LDB2: variants seen among roughly 807,000 people sequenced by gnomAD.
The protein encoded by LDB2 is LIM domain-binding protein 2.
LDB2 carries 12 observed loss-of-function variants against 44.3 expected under a neutral mutation model. The ratio of observed to expected loss-of-function variants is 0.27; its 90% confidence interval spans 0.17 to 0.44. LDB2 has a LOEUF of 0.44. Among genes scored for constraint, LDB2 ranks in the 20% least tolerant of loss-of-function variants. LDB2 has a pLI of 1.00. For synonymous variants in LDB2, 164 were observed against 174.8 expected, an observed-to-expected ratio of 0.94 and a Z score of 0.49; for missense variants, 344 against 473.5, an observed-to-expected ratio of 0.73 and a Z score of 2.54.
At chr4:16,589,314 A>ACGAAATTC (rs1296561043) in intron 3 of LDB2, among the ~76,000 whole-genome samples, 4 of 152,102 alleles carry the variant, frequency 2.6e-5, no homozygotes, top group Admixed American at 6.5e-5. Flanking sequence ...TATTTCCAAA[A>ACGAAATTC]CGAAATTCCG....
intron 2 of LDB2, among the ~76,000 whole-genome samples, chr4:16,628,358 T>C (rs893977557): frequency 6.6e-6 from 1 of 152,102 alleles, no homozygotes; most frequent in Non-Finnish European, 1.5e-5. Context: ...GATGTTGCCA[T>C]TTGACTTAGA....
intron 5 of LDB2, among the ~76,000 whole-genome samples, chr4:16,527,418 T>TAA (rs375128660): frequency 2.7e-5 from 4 of 148,242 alleles, no homozygotes; most frequent in African/African-American, 9.9e-5. Flanking sequence ...ATCAAAAAAA[T>TAA]AAAAAAAAAA....
chr4:16,666,862 T>C (rs1743396045), intron 2 of LDB2, among the ~76,000 whole-genome samples: 1 of 152,234 alleles, frequency 6.6e-6, no homozygotes, highest in African/African-American at 2.4e-5. Context: ...CACTTCATTG[T>C]GTTTTTTTAA....
intron 1 of LDB2, among the ~76,000 whole-genome samples, chr4:16,897,205 T>C (rs1307883392): frequency 6.6e-6 from 1 of 152,192 alleles, no homozygotes; most frequent in African/African-American, 2.4e-5. Flanking sequence ...ACAAACTTAA[T>C]GGAGTCCCTT....
At chr4:16,573,990 C>A (rs1461410385) in intron 5 of LDB2, among the ~76,000 whole-genome samples, 1 of 152,190 alleles carries the variant, frequency 6.6e-6, no homozygotes, top group Non-Finnish European at 1.5e-5. Flanking sequence ...CTGACTTCAG[C>A]CACACTCATT....
chr4:16,674,458 G>A (rs1277277936), intron 2 of LDB2: 2 of 393,698 alleles, frequency 5.1e-6, no homozygotes, highest in African/African-American at 2.1e-5. Flanking sequence ...TCCACGTATT[G>A]GGCTCTATGT....
At chr4:16,596,022 C>CATGA in intron 2 of LDB2, 147 bp from the exon 3 acceptor site, 2 of 749,234 alleles carry the variant, frequency 2.7e-6, no homozygotes, top group Non-Finnish European at 4.2e-6. Flanking sequence ...TAAAAACAGC[C>CATGA]ATGACCCTTC....
At chr4:16,616,968 A>T (rs558082269) in intron 2 of LDB2, among the ~76,000 whole-genome samples, 1 of 152,136 alleles carries the variant, frequency 6.6e-6, no homozygotes, top group Non-Finnish European at 1.5e-5. Context: ...CTCTTCAATT[A>T]TCCTACTCTT....
intron 5 of LDB2, among the ~76,000 whole-genome samples, chr4:16,518,274 CGAATCTCAG>C (rs947846259): frequency 2.0e-5 from 3 of 152,092 alleles, no homozygotes; most frequent in Admixed American, 2.0e-4. Context: ...TCTCATTGCC[CGAATCTCAG>C]GAACAGGTGG....
chr4:16,648,293 C>G (rs1737324177), intron 2 of LDB2, among the ~76,000 whole-genome samples: 3 of 152,196 alleles, frequency 2.0e-5, no homozygotes, highest in African/African-American at 7.2e-5. Context: ...ACTCCGTCAT[C>G]ATAAAGGAAG....
chr4:16,649,922 G>T (rs1424941676), intron 2 of LDB2, among the ~76,000 whole-genome samples: 1 of 152,190 alleles, frequency 6.6e-6, no homozygotes, highest in Non-Finnish European at 1.5e-5. Context: ...ATATCCGCAA[G>T]TAATATTCAT....
chr4:16,540,899 C>T, intron 5 of LDB2, among the ~76,000 whole-genome samples: 1 of 152,052 alleles, frequency 6.6e-6, no homozygotes, highest in Non-Finnish European at 1.5e-5. Flanking sequence ...TACAGAGAAG[C>T]ATCTTATCTG....
chr4:16,761,560 T>A (rs1363882442), intron 1 of LDB2, among the ~76,000 whole-genome samples: 2 of 152,194 alleles, frequency 1.3e-5, no homozygotes, highest in African/African-American at 2.4e-5. Context: ...ACTTAGCAAC[T>A]TATTCTACCT....
intron 2 of LDB2, among the ~76,000 whole-genome samples, chr4:16,678,739 G>A (rs1345726303): frequency 2.6e-5 from 4 of 152,066 alleles, no homozygotes; most frequent in Admixed American, 2.6e-4. Flanking sequence ...ACAAGGGCAG[G>A]GCCTGGAGGC....
At chr4:16,560,387 C>A (rs1334823475) in intron 5 of LDB2, among the ~76,000 whole-genome samples, 2 of 152,082 alleles carry the variant, frequency 1.3e-5, no homozygotes, top group Non-Finnish European at 2.9e-5. Context: ...AAGGGGATAT[C>A]ACCACCAATC....
At chr4:16,592,497 TATATATATAC>T (rs1332609832) in intron 3 of LDB2, among the ~76,000 whole-genome samples, 1 of 136,838 alleles carries the variant, frequency 7.3e-6, no homozygotes, top group Admixed American at 7.3e-5. Context: ...TATATATATA[TATATATATAC>T]ACACACACAC....
At position 16,878,125 on chromosome 4, in the gene LDB2, G is replaced by A. The variant is rs114000446; in HGVS notation, c.132+20229C>T. On this transcript the variant is annotated intron_variant, in intron 1 of 7. Transcript: ENST00000304523. ...CAATCAAAAGCAGGTAGGGGAAGGG[G>A]CTTGGGAAGTTCACAGATCAGCAGA... Among the ~76,000 whole-genome samples the A allele has an allele frequency of 3.7e-3, 565 of 152,312 alleles. 5 individuals carry two copies. The highest frequency in any genetic ancestry group is 0.013 in the African/African-American group (541 of 41,564).
rs56176438 is a variant in LDB2 at position 16,739,610 on chromosome 4, G to A, written c.235+19548C>T. 6.2e-3 allele frequency among the ~76,000 whole-genome samples: 320 copies of A among 51,524 alleles called. 7 individuals are homozygous for A. The highest frequency in any genetic ancestry group is 0.047 in the East Asian group (32 of 676). The allele number at this position is 51,524 out of a possible 152,430, so 33.8% of individuals were successfully genotyped here. A position where few individuals can be genotyped will look rare whatever the true frequency, so the allele number is the denominator to read the frequency against. ...AAAAAATATATATATATATATATAT[G>A]TATATATACATGTGTGTGTATATAT... On this transcript the variant is annotated intron_variant, in intron 2 of 7. Transcript: ENST00000304523.
intron 2 of LDB2, among the ~76,000 whole-genome samples, chr4:16,609,354 G>GGC (rs1724944750): frequency 2.0e-5 from 3 of 149,138 alleles, no homozygotes; most frequent in African/African-American, 7.5e-5. Flanking sequence ...GAGGGGGCGG[G>GGC]GGGGGGAGGG....
Sources: allele counts gnomAD v4.1 joint callset (sites outside exome capture counted in the v4.1 genomes callset), GRCh38; gene constraint gnomAD v4.1.1; transcripts MANE v1.5; gene names NCBI Gene and HGNC (gene_info 2026-07-23, HGNC 2026-07-21).